FRMD4B: variants seen among roughly 807,000 people sequenced by gnomAD.
The protein encoded by FRMD4B is FERM domain containing 4B.
A neutral mutation model predicts 141.5 loss-of-function variants in FRMD4B; 74 were observed. The ratio of observed to expected loss-of-function variants is 0.52; its 90% CI spans 0.43 to 0.63. FRMD4B has a LOEUF of 0.63. FRMD4B is among the 30% of genes least tolerant of loss of function. FRMD4B has a pLI of 0.00. For synonymous variants in FRMD4B, 506 were observed against 467.9 expected (o/e 1.08, Z -1.05); for missense variants, 1,366 against 1,253.4 (o/e 1.09, Z -1.36).
intron 2 of FRMD4B, among the ~76,000 whole-genome samples, chr3:69,395,713 A>C (rs1327842147): frequency 1.3e-5 from 2 of 152,214 alleles, no homozygotes; most frequent in Non-Finnish European, 2.9e-5. Flanking sequence ...TCTCAACTAC[A>C]AAATGAATTG....
chr3:69,312,888 GA>G (rs11303786), intron 2 of FRMD4B, among the ~76,000 whole-genome samples: 104,480 of 150,578 alleles, frequency 0.69, 36,940 homozygotes, highest in East Asian at 0.97. Context: ...GACTCCGTCT[GA>G]AAAAAAAAAA....
chr3:69,449,892 A>G (rs1029289381), intron 1 of FRMD4B, among the ~76,000 whole-genome samples: 2 of 152,206 alleles, frequency 1.3e-5, no homozygotes, highest in Admixed American at 6.5e-5. Flanking sequence ...GTAGGGCACT[A>G]TGATACAGAA....
At chr3:69,182,101 T>C (rs748750436) in intron 20 of FRMD4B, among the ~76,000 whole-genome samples, 72 of 152,188 alleles carry the variant, frequency 4.7e-4, no homozygotes, top group Middle Eastern at 3.4e-3. Context: ...TACATTCGAG[T>C]GGAGGTCAGA....
intron 7 of FRMD4B, among the ~76,000 whole-genome samples, chr3:69,243,855 G>A (rs181688311): frequency 6.6e-6 from 1 of 152,244 alleles, no homozygotes; most frequent in East Asian, 1.9e-4. Flanking sequence ...AGACCAGCCT[G>A]GCCAACGTGG....
At position 69,238,082 on chromosome 3, in the gene FRMD4B, T is replaced by A. The variant is rs115325396; in HGVS notation, c.581+11144A>T. ...CTAGGCACTTGCTATGTGTGACAAG[T>A]GCCTAGGATGCATTTTACTTACACA... On this transcript the variant is annotated intron_variant, in intron 7 of 22. Transcript: ENST00000398540. Among the ~76,000 whole-genome samples, 889 of 152,260 alleles carry A rather than the reference T, an allele frequency of 5.8e-3. 11 individuals are homozygous for A. Among genetic ancestry groups the A allele is most frequent in the African/African-American group, 0.02 (829 of 41,558 alleles).
chr3:69,511,045 C>A (rs1241363898), intron 1 of FRMD4B, among the ~76,000 whole-genome samples: 1 of 152,106 alleles, frequency 6.6e-6, no homozygotes, highest in Non-Finnish European at 1.5e-5. Flanking sequence ...AGAACAAACA[C>A]CATTTTTCCA....
In FRMD4B at chr3:69,196,305, T is replaced by G; in HGVS notation, c.1184A>C (p.Glu395Ala). The G allele has an allele frequency of 6.2e-7, 1 of 1,609,108 alleles. No individual in the cohort carries two copies. The highest frequency in any genetic ancestry group is 8.5e-7 in the Non-Finnish European group (1 of 1,176,852). Residue 395 changes from glutamate to alanine, a missense_variant, in exon 14 of 23, where the codon GAG (glutamate) becomes GCG (alanine). Physicochemically the swap from Glu to Ala is moderately radical, Grantham distance 107. Coordinates refer to ENST00000398540, the MANE Select transcript of FRMD4B (RefSeq NM_015123.3). ...TQRASKLVTLETKSQFIMASN... is the reference protein window; with the variant it reads ...TQRASKLVTLATKSQFIMASN... Reference sequence around the variant, plus strand: ...TGCCATGATGAACTGACTTTTCGTCTCCAGTGTCACCAGCTTGGAGGCCCT... The same window carrying G: ...TGCCATGATGAACTGACTTTTCGTCGCCAGTGTCACCAGCTTGGAGGCCCT...
At chr3:69,496,974 G>T (rs1027974922) in intron 1 of FRMD4B, among the ~76,000 whole-genome samples, 2 of 151,806 alleles carry the variant, frequency 1.3e-5, no homozygotes, top group African/African-American at 2.4e-5. Flanking sequence ...TATGTGACTG[G>T]CATTGCCTAC....
chr3:69,351,165 A>G (rs979110011), intron 1 of FRMD4B, among the ~76,000 whole-genome samples: 8 of 152,194 alleles, frequency 5.3e-5, no homozygotes, highest in African/African-American at 1.7e-4. Flanking sequence ...TGATTGTTTA[A>G]CCTTGCCAAA....
intron 2 of FRMD4B, among the ~76,000 whole-genome samples, chr3:69,402,237 T>A (rs940919554): frequency 6.6e-6 from 1 of 152,214 alleles, no homozygotes; most frequent in Non-Finnish European, 1.5e-5. Flanking sequence ...CCAAAGGGGA[T>A]ATCTACTGAG....
intron 1 of FRMD4B, among the ~76,000 whole-genome samples, chr3:69,444,345 G>A (rs575791228): frequency 9.2e-5 from 14 of 152,294 alleles, no homozygotes; most frequent in African/African-American, 3.1e-4. Flanking sequence ...CTAATTTCAG[G>A]TAGATTTTGT....
chr3:69,490,857 TCTG>T (rs1200512561), intron 1 of FRMD4B, among the ~76,000 whole-genome samples: 4 of 152,108 alleles, frequency 2.6e-5, no homozygotes, highest in African/African-American at 9.7e-5. Context: ...GTTGCTTGCT[TCTG>T]CCCTAGTAAT....
chr3:69,362,715 A>AAG (rs1703506828), intron 1 of FRMD4B, among the ~76,000 whole-genome samples: 2 of 147,932 alleles, frequency 1.4e-5, no homozygotes, highest in African/African-American at 2.4e-5. Context: ...CCCCCCAAAA[A>AAG]AACAAACAAA....
At position 69,461,215 on chromosome 3, in the gene FRMD4B, T is replaced by C. The variant is rs1224370853; in HGVS notation, c.-128-28454A>G. 2.6e-5 allele frequency among the ~76,000 whole-genome samples: 4 copies of C among 152,094 alleles called. 1 individual carries two copies. The highest frequency in any genetic ancestry group is 7.2e-5 in the African/African-American group (3 of 41,416). On this transcript the variant is annotated intron_variant, in intron 1 of 5. Transcript: ENST00000459638. Reference sequence around the variant, plus strand: ...GTTTAATATTATCTCTTTTAGGCAATAAAGCAGCACAGTACACACCTCCAC... The same window carrying C: ...GTTTAATATTATCTCTTTTAGGCAACAAAGCAGCACAGTACACACCTCCAC...
intron 17 of FRMD4B, among the ~76,000 whole-genome samples, chr3:69,191,506 C>T (rs2092837264): frequency 6.6e-6 from 1 of 152,002 alleles, no homozygotes; most frequent in African/African-American, 2.4e-5. Context: ...ATTTGCAAAT[C>T]ATTCCATATT....
intron 1 of FRMD4B, among the ~76,000 whole-genome samples, chr3:69,540,637 ATAT>A (rs1235938636): frequency 9.4e-4 from 48 of 51,182 alleles, no homozygotes; most frequent in East Asian, 8.7e-3. Context: ...AAAAAAAAAA[ATAT>A]ATATATATAT....
intron 1 of FRMD4B, among the ~76,000 whole-genome samples, chr3:69,385,253 C>G (rs1002429771): frequency 2.6e-5 from 4 of 152,176 alleles, no homozygotes; most frequent in South Asian, 2.1e-4. Flanking sequence ...GCCACCCCTC[C>G]CTTCCCCAGC....
chr3:69,485,963 T>C (rs1013161478), intron 1 of FRMD4B, among the ~76,000 whole-genome samples: 11 of 152,246 alleles, frequency 7.2e-5, no homozygotes, highest in African/African-American at 2.7e-4. Flanking sequence ...CATGCAGATA[T>C]ATGTATTCTA....
intron 5 of FRMD4B, among the ~76,000 whole-genome samples, chr3:69,251,036 G>A (rs769742681): frequency 9.9e-5 from 15 of 152,028 alleles, no homozygotes; most frequent in Admixed American, 2.0e-4. Flanking sequence ...TTTAAATTGC[G>A]ATGATACATG....
Sources: allele counts gnomAD v4.1 joint callset (sites outside exome capture counted in the v4.1 genomes callset), GRCh38; gene constraint gnomAD v4.1.1; transcripts MANE v1.5; gene names NCBI Gene and HGNC (gene_info 2026-07-23, HGNC 2026-07-21).